SLC6A2: variants seen among roughly 807,000 people sequenced by gnomAD.
SLC6A2 encodes the protein sodium-dependent noradrenaline transporter.
SLC6A2 carries 26 observed loss-of-function variants against 71.7 expected under a neutral mutation model. The ratio of observed to expected loss-of-function variants is 0.36; its 90% CI spans 0.27 to 0.50. The LOEUF (loss-of-function observed/expected upper bound fraction) is 0.50. Ranked by LOEUF, SLC6A2 falls within the 20% of genes least tolerant of loss-of-function variation. SLC6A2 has a pLI of 0.96. For synonymous variants in SLC6A2, 363 were observed against 337.9 expected (o/e 1.07, Z -0.82); for missense variants, 581 against 803.9 (o/e 0.72, Z 3.35).
In SLC6A2 at chr16:55,702,303, C is replaced by T. The variant is rs1182087406; in HGVS notation, c.1831-20C>T. 1.2e-6 allele frequency: 2 copies of T among 1,613,968 alleles called. No homozygotes were observed. Among genetic ancestry groups the T allele is most frequent in the Non-Finnish European group, 1.7e-6 (2 of 1,179,798 alleles). Reference sequence around the variant, plus strand: ...TCTGTCCCCACCATGTCATCAAGTCCTCGCTGTCTTTCTCTGCAGTTGCAA... The same window carrying T: ...TCTGTCCCCACCATGTCATCAAGTCTTCGCTGTCTTTCTCTGCAGTTGCAA... On this transcript the variant is annotated intron_variant, in intron 14 of 14. Coordinates refer to ENST00000568943, the MANE Select transcript of SLC6A2 (RefSeq NM_001172501.3).
intron 2 of SLC6A2, among the ~76,000 whole-genome samples, chr16:55,666,490 C>T (rs905610189): frequency 2.6e-5 from 4 of 152,178 alleles, no homozygotes; most frequent in East Asian, 1.9e-4. Context: ...AGCTAGCTGT[C>T]CTCTTTTAGA....
rs1965715725 is a variant in SLC6A2 at position 55,693,949 on chromosome 16, C to T, written c.919-61C>T. 4.6e-6 allele frequency: 5 copies of T among 1,093,264 alleles called. No individual in the cohort carries two copies. In the Admixed American group the frequency reaches 8.4e-5, roughly 18 times the overall value. The allele number at this position is 1,093,264 out of a possible 1,614,324, so 67.7% of individuals were successfully genotyped here. A position where few individuals can be genotyped will look rare whatever the true frequency, so the allele number is the denominator to read the frequency against. ...CCAGGGTTTCTCAGCCCTTCCGGAC[C>T]AGTGAGGTGTTCCAGTGTTGTAGGA... On this transcript the variant is annotated intron_variant, in intron 6 of 14. Coordinates refer to ENST00000568943, the MANE Select transcript of SLC6A2 (RefSeq NM_001172501.3).
intron 4 of SLC6A2, among the ~76,000 whole-genome samples, chr16:55,674,542 A>C (rs1299226483): frequency 2.6e-5 from 4 of 151,602 alleles, no homozygotes; most frequent in Non-Finnish European, 5.9e-5. Flanking sequence ...CTCCTGCCTC[A>C]GCCTCCTGAG....
chr16:55,668,412 C>A (rs1312658718), intron 2 of SLC6A2, among the ~76,000 whole-genome samples: 5 of 152,166 alleles, frequency 3.3e-5, no homozygotes, highest in African/African-American at 1.2e-4. Context: ...GTTAATATTG[C>A]TAATGTTACC....
At chr16:55,668,373 C>T (rs919503233) in intron 2 of SLC6A2, among the ~76,000 whole-genome samples, 1 of 152,154 alleles carries the variant, frequency 6.6e-6, no homozygotes, top group African/African-American at 2.4e-5. Flanking sequence ...CAGAAGGGGA[C>T]GAGCAAGTGT....
intron 2 of SLC6A2, among the ~76,000 whole-genome samples, chr16:55,663,066 T>G (rs1202811994): frequency 6.6e-6 from 1 of 152,218 alleles, no homozygotes; most frequent in Non-Finnish European, 1.5e-5. Flanking sequence ...CCAGGTTGTT[T>G]TACTGTGCTT....
chr16:55,701,781 C>A, intron 13 of SLC6A2, 82 bp from the exon 14 acceptor site: 1 of 977,180 alleles, frequency 1.0e-6, no homozygotes. Context: ...TAGCAGGTGG[C>A]CCTCATCTGG....
At chr16:55,667,032 G>A (rs552890239) in intron 2 of SLC6A2, among the ~76,000 whole-genome samples, 1 of 149,758 alleles carries the variant, frequency 6.7e-6, no homozygotes, top group East Asian at 2.0e-4. Context: ...TTTTGAGTCA[G>A]CATCTCACTC....
chr16:55,663,399 C>G (rs1344270517), intron 2 of SLC6A2, among the ~76,000 whole-genome samples: 5 of 152,152 alleles, frequency 3.3e-5, no homozygotes, highest in Non-Finnish European at 7.3e-5. Flanking sequence ...TACCCCTGAT[C>G]CCCTTTCCTT....
At position 55,694,030 on chromosome 16, in the gene SLC6A2, T is replaced by A. The variant is rs1458159790; in HGVS notation, c.939T>A (p.Thr313=). The change falls in exon 7 of 15, where the codon ACT becomes ACA. Residue 313 remains threonine, a synonymous_variant. Coordinates refer to ENST00000568943, the MANE Select transcript of SLC6A2 (RefSeq NM_001172501.3). The stretch of plus-strand genomic sequence containing the variant: ...TTCAGGTATGGATTGATGCCGCAAC[T>A]CAGATATTTTTTTCCTTGGGGGCTG... ...KEATVWIDAA[T]QIFFSLGAGF... 1.9e-6 allele frequency: 3 copies of A among 1,613,522 alleles called. No individual in the cohort carries two copies. The highest frequency in any genetic ancestry group is 8.5e-7 in the Non-Finnish European group (1 of 1,179,416).
chr16:55,688,030 C>T (rs1250784682), intron 5 of SLC6A2, among the ~76,000 whole-genome samples: 1 of 152,194 alleles, frequency 6.6e-6, no homozygotes, highest in East Asian at 1.9e-4. Context: ...TGCATAAGTC[C>T]CTCAGTGTTC....
At chr16:55,658,984 AG>A (rs1270751782) in intron 2 of SLC6A2, among the ~76,000 whole-genome samples, 1 of 152,192 alleles carries the variant, frequency 6.6e-6, no homozygotes. Flanking sequence ...ATCTTTTAAG[AG>A]GCAGGGAGAT....
chr16:55,693,926 A>G (rs41280876), intron 6 of SLC6A2, 84 bp from the exon 7 acceptor site: 5 of 915,610 alleles, frequency 5.5e-6, no homozygotes, highest in Non-Finnish European at 9.2e-6. Flanking sequence ...GAGCATCCCC[A>G]GGGTTTCTCA....
rs1420626451 is a variant in SLC6A2 at position 55,695,370 on chromosome 16, A to G, written c.1115A>G (p.His372Arg). 1.2e-6 allele frequency: 2 copies of G among 1,614,234 alleles called. No homozygotes were observed. Among genetic ancestry groups the G allele is most frequent in the Non-Finnish European group, 1.7e-6 (2 of 1,180,028 alleles). The change falls in exon 8 of 15, where the codon CAC (histidine) becomes CGC (arginine). Residue 372 changes from histidine to arginine, a missense_variant. Coordinates refer to ENST00000568943, the MANE Select transcript of SLC6A2 (RefSeq NM_001172501.3). Reference protein sequence around the residue: ...FSILGYMAHEHKVNIEDVATE... With the variant: ...FSILGYMAHERKVNIEDVATE... ...ATCCTTGGTTACATGGCCCATGAAC[A>G]CAAGGTCAACATTGAGGATGTGGCC...
intron 3 of SLC6A2, 130 bp downstream of exon 3, chr16:55,669,826 C>A: frequency 2.0e-6 from 2 of 981,174 alleles, no homozygotes; most frequent in Non-Finnish European, 3.2e-6. Context: ...TTGACAAGGT[C>A]AACAGTGTCC....
At chr16:55,663,729 G>C (rs1202832351) in intron 2 of SLC6A2, among the ~76,000 whole-genome samples, 2 of 152,090 alleles carry the variant, frequency 1.3e-5, no homozygotes, top group East Asian at 3.9e-4. Context: ...ATTGGGGCAC[G>C]TTAGGCCTCA....
chr16:55,691,309 CA>C (rs1247175483), intron 5 of SLC6A2, among the ~76,000 whole-genome samples: 1 of 142,798 alleles, frequency 7.0e-6, no homozygotes, highest in Non-Finnish European at 1.5e-5. Context: ...TCCTGCCAGT[CA>C]GATAGGTGCA....
intron 2 of SLC6A2, among the ~76,000 whole-genome samples, chr16:55,666,857 C>T (rs1466136840): frequency 3.3e-5 from 5 of 152,234 alleles, no homozygotes; most frequent in African/African-American, 1.2e-4. Flanking sequence ...TATTGAGTCG[C>T]TGGGGGCAAC....
At chr16:55,691,771 A>C in intron 5 of SLC6A2, 147 bp from the exon 6 acceptor site, 9 of 914,036 alleles carry the variant, frequency 9.8e-6, no homozygotes, top group Non-Finnish European at 1.5e-5. Flanking sequence ...GGCCTTGCCT[A>C]GAGCTGGAAC....
Sources: allele counts gnomAD v4.1 joint callset (sites outside exome capture counted in the v4.1 genomes callset), GRCh38; gene constraint gnomAD v4.1.1; transcripts MANE v1.5; gene names NCBI Gene and HGNC (gene_info 2026-07-23, HGNC 2026-07-21).